Variants in GYS1 observed in about 807,000 individuals in gnomAD.
The protein encoded by GYS1 is glycogen [starch] synthase, muscle.
In GYS1, 60 loss-of-function variants were observed where a neutral mutation model predicts 89.1. The ratio of observed to expected loss-of-function variants is 0.67; its 90% confidence interval spans 0.55 to 0.84. The LOEUF (loss-of-function observed/expected upper bound fraction) is 0.84. GYS1 is among the 40% of genes least tolerant of loss of function. The probability of loss-of-function intolerance (pLI) is 0.00; values close to 1 mark genes in which losing one functional copy is unlikely to be tolerated. For synonymous variants in GYS1, 366 were observed against 401.7 expected (o/e 0.91, Z 1.06); for missense variants, 888 against 1,003.1 (o/e 0.89, Z 1.55).
At position 48,982,850 on chromosome 19, in the gene GYS1, G is replaced by GT. The variant is rs769641500; in HGVS notation, c.824-14dup. ...GGGGTCACAATATCTGGGATTGGGG[G>GT]TGAGGGTCCCATGTTTTATTTGTTC... On this transcript the variant is annotated splice_polypyrimidine_tract_variant and intron_variant, in intron 5 of 15. Transcript: ENST00000323798. The GT allele has an allele frequency of 5.7e-5, 82 of 1,444,982 alleles. No individual in the cohort carries two copies. The highest frequency in any genetic ancestry group is 7.5e-5 in the Non-Finnish European group (77 of 1,025,514). The allele number at this position is 1,444,982 out of a possible 1,614,324, so 89.5% of individuals were successfully genotyped here. A position where few individuals can be genotyped will look rare whatever the true frequency, so the allele number is the denominator to read the frequency against.
At chr19:48,981,437 A>G (rs1039551306) in intron 8 of GYS1, 93 bp downstream of exon 8, 1 of 785,694 alleles carries the variant, frequency 1.3e-6, no homozygotes. Context: ...ACAAACAAAC[A>G]AAACAAAAAA....
intron 8 of GYS1, among the ~76,000 whole-genome samples, chr19:48,979,336 CTTTT>C (rs777178030): frequency 2.2e-5 from 2 of 92,772 alleles, no homozygotes; most frequent in African/African-American, 7.6e-5. Context: ...TTTTTCTTTT[CTTTT>C]TTTTTTTTTT....
Position 48,993,126 on chromosome 19 carries a change from AG to A in GYS1, c.-15del, listed in dbSNP as rs1361484941. ...GTTTAAAGGCATGGCTGGCGCAGGA[AG>A]GGGGGCTCCGGGGATCTCCAGGTAG... is the stretch of plus-strand genomic sequence containing the variant. On this transcript the variant is annotated 5_prime_UTR_variant, in exon 1 of 16. Transcript: ENST00000323798. 2.1e-6 allele frequency: 3 copies of A among 1,454,768 alleles called. No homozygotes were observed. Among genetic ancestry groups the A allele is most frequent in the South Asian group, 1.1e-5 (1 of 87,850 alleles). 90.1% of individuals were successfully genotyped at this position (1,454,768 alleles called of 1,614,324 possible).
At chr19:48,983,812 G>GCC (rs1391845777) in intron 5 of GYS1, among the ~76,000 whole-genome samples, 1 of 152,038 alleles carries the variant, frequency 6.6e-6, no homozygotes, top group Non-Finnish European at 1.5e-5. Context: ...GCCAATTACA[G>GCC]AATTTTATCA....
At position 48,968,931 on chromosome 19, in the gene GYS1, C is replaced by T. The variant is rs570639504; in HGVS notation, c.*357G>A. ...TATGCTGTAGAATTTGTAAGCCACA[C>T]GGGGGGCTCTAAAAGCCCCAGACCT... On this transcript the variant is annotated 3_prime_UTR_variant, in exon 16 of 16. Transcript: ENST00000323798. The T allele has an allele frequency of 3.1e-4, 159 of 515,426 alleles. No individual in the cohort carries two copies. The highest frequency in any genetic ancestry group is 1.5e-3 in the African/African-American group (81 of 52,530). 31.9% of individuals were successfully genotyped at this position (515,426 alleles called of 1,614,324 possible).
At chr19:48,983,074 C>A (rs2038791785) in intron 5 of GYS1, among the ~76,000 whole-genome samples, 1 of 152,148 alleles carries the variant, frequency 6.6e-6, no homozygotes, top group Non-Finnish European at 1.5e-5. Flanking sequence ...GCATCCCTGA[C>A]CTCCTGGGCT....
chr19:48,989,482 A>G (rs557140416), intron 2 of GYS1, among the ~76,000 whole-genome samples: 218 of 24,326 alleles, frequency 9.0e-3, no homozygotes, highest in African/African-American at 0.042. Context: ...ATTCTATCTG[A>G]AAAAAAAAAA....
rs1378129506 is a variant in GYS1 at position 48,969,462 on chromosome 19, C to G, written c.2040G>C (p.Glu680Asp). The G allele has an allele frequency of 6.5e-7, 1 of 1,544,992 alleles. No individual in the cohort carries two copies. Among genetic ancestry groups the G allele is most frequent in the African/African-American group, 1.4e-5 (1 of 72,976 alleles). ...EDGERYDEDEEAAKDRRNIRA... is the reference protein window; with the variant it reads ...EDGERYDEDEDAAKDRRNIRA... Reference sequence around the variant, plus strand: ...GGATGTTGCGCCGGTCCTTGGCGGCCTCCTCGTCCTCATCGTAGCGCTCGC... The same window carrying G: ...GGATGTTGCGCCGGTCCTTGGCGGCGTCCTCGTCCTCATCGTAGCGCTCGC... The change falls in exon 16 of 16, where the codon GAG becomes GAC. Residue 680 changes from glutamate to aspartate, a missense_variant. By Grantham distance (45) the Glu-to-Asp change is conservative. Transcript: ENST00000323798.
intron 12 of GYS1, among the ~76,000 whole-genome samples, chr19:48,973,808 C>T (rs374746578): frequency 8.5e-5 from 13 of 152,272 alleles, no homozygotes; most frequent in Middle Eastern, 3.4e-3. Flanking sequence ...TGAGCCACCA[C>T]GCCCAGCCTT....
intron 12 of GYS1, among the ~76,000 whole-genome samples, chr19:48,973,825 C>T (rs536280182): frequency 1.8e-4 from 27 of 152,242 alleles, no homozygotes; most frequent in African/African-American, 6.3e-4. Context: ...CCTTATTTAG[C>T]TTTAAAAACA....
Position 48,991,583 on chromosome 19 carries a change from G to A in GYS1, c.119-100C>T. On this transcript the variant is annotated intron_variant, in intron 1 of 15. Coordinates refer to ENST00000323798, the MANE Select transcript of GYS1 (RefSeq NM_002103.5). This position sits in a 1 kb window ranked among gnomAD's most constrained non-coding sequence, Gnocchi z 4.7. ...GGATGTAGGGGGCACTCAGGCCCCA[G>A]ACCTCTAGCTCAGGGGGAAGAGGGG... The A allele has an allele frequency of 4.7e-6, 6 of 1,279,614 alleles. No individual in the cohort carries two copies. The highest frequency in any genetic ancestry group is 6.8e-6 in the Non-Finnish European group (6 of 888,774). The allele number at this position is 1,279,614 out of a possible 1,614,324, so 79.3% of individuals were successfully genotyped here.
intron 8 of GYS1, among the ~76,000 whole-genome samples, chr19:48,979,612 C>T (rs1252309790): frequency 6.7e-6 from 1 of 149,552 alleles, no homozygotes; most frequent in Non-Finnish European, 1.5e-5. Context: ...GCTGGGATTA[C>T]AGGTGTGAGC....
intron 8 of GYS1, among the ~76,000 whole-genome samples, chr19:48,981,050 T>C (rs1600142430): frequency 6.7e-6 from 1 of 149,374 alleles, no homozygotes; most frequent in South Asian, 2.1e-4. Context: ...GAGGCAGAGG[T>C]TGCAGTGAGC....
intron 5 of GYS1, among the ~76,000 whole-genome samples, chr19:48,984,195 G>A (rs1429119778): frequency 6.6e-6 from 1 of 151,748 alleles, no homozygotes; most frequent in African/African-American, 2.4e-5. Flanking sequence ...TTGGCAGAGA[G>A]GGGGTCTCAC....
At position 48,974,733 on chromosome 19, in the gene GYS1, G is replaced by C; in HGVS notation, c.1309C>G (p.Arg437Gly). ...GTGCACACAGGGGGGAAAGACTGCC[G>C]CTGCAGGAGCCACAAGAAGGGTAAG... is the stretch of plus-strand genomic sequence containing the variant. The part of the protein sequence containing the change: ...MMKRAIFATQ[R>G]QSFPPVCTHN... The change falls in exon 11 of 16, where the codon CGG becomes GGG. Residue 437 changes from arginine (R) to glycine (G), a missense_variant and splice_region_variant. Arg to Gly is a moderately radical substitution (Grantham distance 125, BLOSUM62 -2). Coordinates refer to ENST00000323798, the MANE Select transcript of GYS1 (RefSeq NM_002103.5). 6.2e-7 allele frequency: 1 copy of C among 1,600,936 alleles called. No homozygotes were observed. The highest frequency in any genetic ancestry group is 8.6e-7 in the Non-Finnish European group (1 of 1,168,370).
At chr19:48,985,664 C>T (rs2038831525) in intron 4 of GYS1, 59 bp from the exon 5 acceptor site, 2 of 1,594,690 alleles carry the variant, frequency 1.3e-6, no homozygotes, top group Admixed American at 1.7e-5. Flanking sequence ...TCTGGAGGTC[C>T]AGACACTGGG....
chr19:48,970,498 C>T, intron 14 of GYS1, 48 bp downstream of exon 14: 1 of 1,536,836 alleles, frequency 6.5e-7, no homozygotes, highest in Non-Finnish European at 9.0e-7. Context: ...GACCCCTAGC[C>T]AGGAGCTGCT....
chr19:48,991,183 G>C lies in GYS1; in HGVS notation c.300+119C>G. 8.9e-7 allele frequency: 1 copy of C among 1,122,208 alleles called. No individual in the cohort carries two copies. The highest frequency in any genetic ancestry group is 2.0e-4 in the Middle Eastern group (1 of 5,120). 69.5% of individuals were successfully genotyped at this position (1,122,208 alleles called of 1,614,324 possible). On this transcript the variant is annotated intron_variant, in intron 2 of 15. Coordinates refer to ENST00000323798, the MANE Select transcript of GYS1 (RefSeq NM_002103.5). This position sits in a 1 kb window ranked among gnomAD's most constrained non-coding sequence, Gnocchi z 4.7. ...GTGTCCTATCACGCCTCCTTCCTGTGTCCAAGCCTGCCTCGCTCTCTGGCT... is the reference window on the plus strand; with the variant it reads ...GTGTCCTATCACGCCTCCTTCCTGTCTCCAAGCCTGCCTCGCTCTCTGGCT...
At position 48,990,006 on chromosome 19, in the gene GYS1, G is replaced by GGGGT. The variant is rs1568626295; in HGVS notation, c.300+1295_300+1296insACCC. On this transcript the variant is annotated intron_variant, in intron 2 of 15. Coordinates refer to ENST00000323798, the MANE Select transcript of GYS1 (RefSeq NM_002103.5). ...GTTGTCTGCCCTTTTGCTGGGGGGG[G>GGGGT]GGGGGGGCTATTCTTAGGCCCCCAG... Among the ~76,000 whole-genome samples the GGGGT allele has an allele frequency of 2.1e-3, 314 of 150,514 alleles. 8 individuals are homozygous for GGGGT. The highest frequency in any genetic ancestry group is 7.5e-3 in the African/African-American group (303 of 40,620).
Sources: gnomAD v4.1 joint callset for allele counts (sites outside exome capture counted in the v4.1 genomes callset) on GRCh38, gnomAD v4.1.1 for gene constraint, Gnocchi (gnomAD v3.1) non-coding constraint, MANE v1.5 for transcripts, NCBI Gene and HGNC (gene_info 2026-07-23, HGNC 2026-07-21) for gene names.